Variants in DHX57 observed in about 807,000 individuals in gnomAD.
DHX57 encodes the protein DExH-box helicase 57, also known as putative ATP-dependent RNA helicase DHX57.
A neutral mutation model predicts 156.2 loss-of-function variants in DHX57; 105 were observed. The observed-to-expected ratio is 0.67, with a 90% confidence interval of 0.57 to 0.79. DHX57 has a LOEUF of 0.79. Among genes scored for constraint, DHX57 ranks in the 30% least tolerant of loss-of-function variants. DHX57 has a pLI of 0.00. For missense variants in DHX57, 1,847 were observed against 1,661.9 expected, an observed-to-expected ratio of 1.11 and a Z score of -1.94; for synonymous variants, 704 against 595.6, an observed-to-expected ratio of 1.18 and a Z score of -2.65.
At chr2:38,836,304 G>A (rs1481384705) in intron 13 of DHX57, among the ~76,000 whole-genome samples, 1 of 151,964 alleles carries the variant, frequency 6.6e-6, no homozygotes, top group East Asian at 1.9e-4. Flanking sequence ...TCTGCCACCC[G>A]AGACAGCAAG....
intron 12 of DHX57, among the ~76,000 whole-genome samples, chr2:38,840,083 C>CTA (rs1349075537): frequency 6.6e-6 from 1 of 151,878 alleles, no homozygotes; most frequent in Non-Finnish European, 1.5e-5. Context: ...GTAGCAGGGA[C>CTA]TATAGGTGCA....
chr2:38,838,909 C>T (rs140894638), intron 12 of DHX57: 1 of 296,304 alleles, frequency 3.4e-6, no homozygotes, highest in Non-Finnish European at 6.7e-6. Flanking sequence ...GGATGTACTA[C>T]AAGCCTCGGC....
Position 38,874,109 on chromosome 2 carries a change from T to G in DHX57, c.-7+1678A>C, listed in dbSNP as rs529365195. ...TCTTTTTTCTTTCTTTCTTTTTTTT[T>G]GAGACTGGATCTTGCTCTATCACCC... is the stretch of plus-strand genomic sequence containing the variant. On this transcript the variant is annotated intron_variant, in intron 1 of 23. Coordinates refer to ENST00000457308, the MANE Select transcript of DHX57 (RefSeq NM_198963.3). Among the ~76,000 whole-genome samples, 318 of 152,118 alleles carry G rather than the reference T, an allele frequency of 2.1e-3. 1 individual carries two copies. The highest frequency in any genetic ancestry group is 7.2e-3 in the African/African-American group (298 of 41,510).
chr2:38,808,588 A>T (rs1670076541), intron 21 of DHX57, among the ~76,000 whole-genome samples: 1 of 152,164 alleles, frequency 6.6e-6, no homozygotes, highest in South Asian at 2.1e-4. Flanking sequence ...TGCTGAAATG[A>T]ATATTCTCCT....
chr2:38,832,395 G>C (rs1044194984), intron 13 of DHX57, among the ~76,000 whole-genome samples: 5 of 151,834 alleles, frequency 3.3e-5, no homozygotes, highest in Admixed American at 1.3e-4. Flanking sequence ...CCGAGATTGC[G>C]CCACTGCACC....
intron 9 of DHX57, among the ~76,000 whole-genome samples, chr2:38,852,804 C>T (rs1311777532): frequency 6.6e-6 from 1 of 151,894 alleles, no homozygotes; most frequent in Non-Finnish European, 1.5e-5. Context: ...ATGCCTCACC[C>T]TTTAATGACT....
chr2:38,798,543 G>A, intron 23 of DHX57, 101 bp from the exon 24 acceptor site: 1 of 1,361,346 alleles, frequency 7.3e-7, no homozygotes, highest in Non-Finnish European at 9.8e-7. Flanking sequence ...TTAGATTTCT[G>A]GTACTAATTT....
chr2:38,804,709 G>A (rs1215509123), intron 22 of DHX57, among the ~76,000 whole-genome samples: 3 of 151,230 alleles, frequency 2.0e-5, no homozygotes, highest in Non-Finnish European at 4.4e-5. Context: ...TGCATTTCCT[G>A]GAACACACCA....
At chr2:38,815,749 A>T (rs1670515987) in intron 19 of DHX57, 94 bp from the exon 20 acceptor site, 20 of 1,501,338 alleles carry the variant, frequency 1.3e-5, no homozygotes, top group Non-Finnish European at 1.7e-5. Context: ...GCATTATTTC[A>T]GGGGGTAGCA....
Position 38,819,161 on chromosome 2 carries a change from A to G in DHX57, c.3292-17T>C. ...GGGAGATACCTAAAGGAGAGAGGAAAATCAGATTTAAAGAACACTTTTTTT... is the reference window on the plus strand; with the variant it reads ...GGGAGATACCTAAAGGAGAGAGGAAGATCAGATTTAAAGAACACTTTTTTT... On this transcript the variant is annotated splice_polypyrimidine_tract_variant and intron_variant, in intron 17 of 23. Transcript: ENST00000457308. 1.2e-6 allele frequency: 2 copies of G among 1,609,182 alleles called. No individual in the cohort carries two copies. Among genetic ancestry groups the G allele is most frequent in the East Asian group, 2.2e-5 (1 of 44,874 alleles).
At chr2:38,804,014 T>C (rs1572613710) in intron 22 of DHX57, among the ~76,000 whole-genome samples, 2 of 152,116 alleles carry the variant, frequency 1.3e-5, no homozygotes, top group East Asian at 1.9e-4. Flanking sequence ...ACTCCTGACC[T>C]CAAGTCATCC....
chr2:38,852,605 AT>A (rs542654940), intron 9 of DHX57, among the ~76,000 whole-genome samples: 299 of 130,984 alleles, frequency 2.3e-3, no homozygotes, highest in Middle Eastern at 7.9e-3. Context: ...CAGACTTTTA[AT>A]TTTTTTTTTT....
chr2:38,819,653 C>G (rs1322572726), intron 17 of DHX57, among the ~76,000 whole-genome samples: 1 of 152,166 alleles, frequency 6.6e-6, no homozygotes, highest in Non-Finnish European at 1.5e-5. Context: ...CCTGCCCACC[C>G]AAAATAAGCT....
chr2:38,801,087 A>G (rs966012825), intron 23 of DHX57, among the ~76,000 whole-genome samples: 3 of 152,186 alleles, frequency 2.0e-5, no homozygotes, highest in African/African-American at 7.2e-5. Flanking sequence ...AACAATTAAA[A>G]TTACATATGT....
At chr2:38,869,918 C>G (rs1404010858) in intron 1 of DHX57, among the ~76,000 whole-genome samples, 1 of 151,850 alleles carries the variant, frequency 6.6e-6, no homozygotes, top group African/African-American at 2.4e-5. Context: ...AGTATGTTCA[C>G]AGAAATAAAG....
At position 38,836,271 on chromosome 2, in the gene DHX57, C is replaced by A. The variant is rs1292803189; in HGVS notation, c.2542+1560G>T. On this transcript the variant is annotated intron_variant, in intron 13 of 23. Transcript: ENST00000457308. ...GCAATGAGCGTGCCTGCCTCTTCTGCCTCCCCTTCCACTTCTTCCACCTCT... is the reference window on the plus strand; with the variant it reads ...GCAATGAGCGTGCCTGCCTCTTCTGACTCCCCTTCCACTTCTTCCACCTCT... 3.3e-5 allele frequency among the ~76,000 whole-genome samples: 5 copies of A among 152,212 alleles called. No homozygotes were observed. In the East Asian group the frequency reaches 7.7e-4, roughly 24 times the overall value.
At chr2:38,823,295 T>C (rs1670923407) in intron 16 of DHX57, 26 bp from the exon 17 acceptor site, 1 of 1,597,812 alleles carries the variant, frequency 6.3e-7, no homozygotes, top group African/African-American at 1.3e-5. Context: ...AATAATAATT[T>C]GTCAATTTTA....
intron 9 of DHX57, 119 bp downstream of exon 9, chr2:38,853,935 C>A (rs1031354393): frequency 9.7e-7 from 1 of 1,030,384 alleles, no homozygotes; most frequent in East Asian, 2.6e-5. Flanking sequence ...CATAGGCCTT[C>A]CTTGTGGCAA....
chr2:38,826,575 T>C lies in DHX57; in HGVS notation c.2754A>G (p.Thr918=). Residue 918 remains threonine (T), a synonymous_variant, in exon 15 of 24, where the codon ACA becomes ACG. Coordinates refer to ENST00000457308, the MANE Select transcript of DHX57 (RefSeq NM_198963.3). The part of the protein sequence containing the change: ...KIIISTNIAE[T]SITIDDVVYV... ...AGACAACATCATCGATGGTTATGGA[T>C]GTCTCAGCAATGTTGGTGGAAATTA... The C allele has an allele frequency of 8.7e-6, 14 of 1,614,148 alleles. 1 individual carries two copies. The South Asian group carries it at 1.2e-4, about 14-fold the overall frequency.
Sources: gnomAD v4.1 joint callset for allele counts (sites outside exome capture counted in the v4.1 genomes callset) on GRCh38, gnomAD v4.1.1 for gene constraint, MANE v1.5 for transcripts, NCBI Gene and HGNC (gene_info 2026-07-23, HGNC 2026-07-21) for gene names.